The following FILIP1L variants were observed in gnomAD, a reference collection of about 807,000 sequenced individuals.
The protein encoded by FILIP1L is filamin A interacting protein 1 like.
Under a neutral mutation model 96.6 loss-of-function variants are expected in FILIP1L, and 55 were observed. The ratio of observed to expected loss-of-function variants is 0.57; its 90% confidence interval spans 0.46 to 0.71. The LOEUF (loss-of-function observed/expected upper bound fraction) is 0.71. Among genes scored for constraint, FILIP1L ranks in the 30% least tolerant of loss-of-function variants. FILIP1L has a pLI of 0.00. For synonymous variants in FILIP1L, 467 were observed against 473.9 expected, an observed-to-expected ratio of 0.99 and a Z score of 0.19; for missense variants, 1,304 against 1,321.2, an observed-to-expected ratio of 0.99 and a Z score of 0.20.
chr3:99,933,591 T>G (rs944032634), intron 1 of FILIP1L, among the ~76,000 whole-genome samples: 6 of 152,236 alleles, frequency 3.9e-5, no homozygotes, highest in African/African-American at 1.4e-4. Context: ...CTATTGTATT[T>G]TCTTGAACAC....
intron 4 of FILIP1L, among the ~76,000 whole-genome samples, chr3:99,911,235 A>G (rs933103589): frequency 1.3e-5 from 2 of 151,788 alleles, no homozygotes; most frequent in African/African-American, 4.8e-5. Flanking sequence ...AGGAAGTTGT[A>G]CAATAATGGA....
intron 1 of FILIP1L, among the ~76,000 whole-genome samples, chr3:99,936,790 A>G (rs1707689920): frequency 6.6e-6 from 1 of 151,996 alleles, no homozygotes; most frequent in Non-Finnish European, 1.5e-5. Flanking sequence ...ACTATGCTGT[A>G]TCTACTTAGC....
chr3:99,906,266 G>A (rs187837513), intron 4 of FILIP1L, among the ~76,000 whole-genome samples: 22 of 152,242 alleles, frequency 1.4e-4, no homozygotes, highest in Non-Finnish European at 2.9e-4. Flanking sequence ...AATTTAATTT[G>A]TATTTCCCTG....
intron 3 of FILIP1L, among the ~76,000 whole-genome samples, chr3:99,924,740 T>C (rs1707236954): frequency 6.6e-6 from 1 of 152,226 alleles, no homozygotes; most frequent in Non-Finnish European, 1.5e-5. Context: ...CAGGCTGGTC[T>C]TGAACTCCTG....
At chr3:99,843,319 A>G (rs1001613723) in intron 5 of FILIP1L, among the ~76,000 whole-genome samples, 3 of 152,220 alleles carry the variant, frequency 2.0e-5, no homozygotes, top group African/African-American at 7.2e-5. Context: ...ATGCTTTGCT[A>G]CAGTTATAAA....
At chr3:100,058,338 A>G (rs2065500652) in intron 1 of FILIP1L, among the ~76,000 whole-genome samples, 1 of 152,146 alleles carries the variant, frequency 6.6e-6, no homozygotes, top group East Asian at 1.9e-4. Flanking sequence ...ACTTTGTACA[A>G]TCAGATGCTT....
In FILIP1L at chr3:99,830,241, A is replaced by G. The variant is rs1350079112; in HGVS notation, c.*173T>C. 2.9e-6 allele frequency: 1 copy of G among 343,110 alleles called. No homozygotes were observed. Among genetic ancestry groups the G allele is most frequent in the East Asian group, 7.5e-5 (1 of 13,396 alleles). The allele number at this position is 343,110 out of a possible 1,614,324, so 21.3% of individuals were successfully genotyped here. ...AGTGTTTGTGTGTGCATATACACAT[A>G]TAGAAGTAAAATAATTGTAGACGTG... On this transcript the variant is annotated 3_prime_UTR_variant, in exon 6 of 6. Transcript: ENST00000477258.
At chr3:100,105,252 A>G (rs1437983960) in intron 1 of FILIP1L, among the ~76,000 whole-genome samples, 1 of 152,226 alleles carries the variant, frequency 6.6e-6, no homozygotes, top group Non-Finnish European at 1.5e-5. Flanking sequence ...GAAATAACAT[A>G]TAATTGAAGC....
Position 99,848,569 on chromosome 3 carries a change from G to A in FILIP1L, c.3107C>T (p.Pro1036Leu). The A allele has an allele frequency of 6.2e-7, 1 of 1,614,156 alleles. No homozygotes were observed. The highest frequency in any genetic ancestry group is 8.5e-7 in the Non-Finnish European group (1 of 1,180,022). ...AAACTGCCATGATGACTGCCGGTCTGGGGAGACTCTGAATATCGCATGCTT... is the reference window on the plus strand; with the variant it reads ...AAACTGCCATGATGACTGCCGGTCTAGGGAGACTCTGAATATCGCATGCTT... ...SAKHAIFRVSPDRQSSWQFQR... is the reference protein window; with the variant it reads ...SAKHAIFRVSLDRQSSWQFQR... The change falls in exon 5 of 6, where the codon CCA becomes CTA. Residue 1036 changes from proline (P) to leucine (L), a missense_variant. Transcript: ENST00000477258.
At chr3:100,016,874 G>A (rs1334852525) in intron 1 of FILIP1L, among the ~76,000 whole-genome samples, 2 of 152,120 alleles carry the variant, frequency 1.3e-5, no homozygotes, top group Admixed American at 6.5e-5. Flanking sequence ...TTATCTAATG[G>A]CAAAGTGAGA....
At chr3:100,012,048 GA>G (rs1456272513) in intron 1 of FILIP1L, among the ~76,000 whole-genome samples, 1 of 152,098 alleles carries the variant, frequency 6.6e-6, no homozygotes, top group Admixed American at 6.6e-5. Context: ...AAACCTTTGT[GA>G]GGGGGGTGGT....
At chr3:99,917,102 T>C (rs1337150118) in intron 4 of FILIP1L, among the ~76,000 whole-genome samples, 2 of 152,222 alleles carry the variant, frequency 1.3e-5, no homozygotes, top group African/African-American at 4.8e-5. Context: ...ACCTGTTTTA[T>C]AGGGCTGTTA....
chr3:99,877,242 TTTAAAATTACA>T (rs1705565765), intron 4 of FILIP1L, among the ~76,000 whole-genome samples: 1 of 152,192 alleles, frequency 6.6e-6, no homozygotes, highest in African/African-American at 2.4e-5. Context: ...TAAAACCTCT[TTTAAAATTACA>T]TTAAAATAGG....
intron 1 of FILIP1L, among the ~76,000 whole-genome samples, chr3:100,025,120 G>A (rs550023339): frequency 1.3e-4 from 20 of 152,204 alleles, no homozygotes; most frequent in African/African-American, 4.3e-4. Flanking sequence ...AATCGAGGCC[G>A]TAAGATTTCC....
chr3:100,023,251 T>G (rs1269720932), intron 1 of FILIP1L: 2 of 152,396 alleles, frequency 1.3e-5, no homozygotes, highest in African/African-American at 4.8e-5. Flanking sequence ...CACCACGAAG[T>G]ATTGTTCTTT....
chr3:99,848,103 C>T, intron 5 of FILIP1L, 192 bp downstream of exon 5: 1 of 1,428,478 alleles, frequency 7.0e-7, no homozygotes, highest in East Asian at 2.5e-5. Context: ...TAAGTGCACA[C>T]TCGATATGAC....
intron 1 of FILIP1L, among the ~76,000 whole-genome samples, chr3:99,982,815 A>G (rs1247401462): frequency 6.6e-6 from 1 of 152,226 alleles, no homozygotes; most frequent in African/African-American, 2.4e-5. Context: ...TGACAATTGA[A>G]CAGCCCAACC....
chr3:100,000,169 A>G (rs1320214702), intron 1 of FILIP1L, among the ~76,000 whole-genome samples: 1 of 152,142 alleles, frequency 6.6e-6, no homozygotes, highest in East Asian at 1.9e-4. Context: ...TGTTCCACAA[A>G]AATTTCTTCC....
intron 1 of FILIP1L, among the ~76,000 whole-genome samples, chr3:100,064,422 C>G (rs559168243): frequency 9.9e-5 from 15 of 152,014 alleles, no homozygotes; most frequent in South Asian, 6.2e-4. Flanking sequence ...AACATTAAAG[C>G]CACTCATTCA....
Sources: allele counts gnomAD v4.1 joint callset (sites outside exome capture counted in the v4.1 genomes callset), GRCh38; gene constraint gnomAD v4.1.1; transcripts MANE v1.5; gene names NCBI Gene and HGNC (gene_info 2026-07-23, HGNC 2026-07-21).